RYR2: variants seen among roughly 807,000 people sequenced by gnomAD.
The protein encoded by RYR2 is ryanodine receptor 2.
A neutral mutation model predicts 601.1 loss-of-function variants in RYR2; 227 were observed. The ratio of observed to expected loss-of-function variants is 0.38; its 90% CI spans 0.34 to 0.42. The LOEUF is 0.42. Ranked by LOEUF, RYR2 falls within the 10% of genes least tolerant of loss-of-function variation. RYR2 has a pLI of 1.00. For synonymous variants in RYR2, 2,223 were observed against 2,175.1 expected, an observed-to-expected ratio of 1.02 and a Z score of -0.61; for missense variants, 4,646 against 6,156.5, an observed-to-expected ratio of 0.75 and a Z score of 8.21.
intron 1 of RYR2, among the ~76,000 whole-genome samples, chr1:237,231,266 C>T (rs374380590): frequency 1.3e-5 from 2 of 151,274 alleles, no homozygotes; most frequent in East Asian, 3.9e-4. Context: ...ACATTTAGTT[C>T]TTTTCATTCT....
At chr1:237,831,821 A>ATTAT (rs1663824306) in intron 104 of RYR2, among the ~76,000 whole-genome samples, 1 of 151,090 alleles carries the variant, frequency 6.6e-6, no homozygotes, top group Admixed American at 6.6e-5. Flanking sequence ...TTTGAATTCC[A>ATTAT]TTATTTTGAA....
chr1:237,054,967 C>T (rs555870608), intron 1 of RYR2, among the ~76,000 whole-genome samples: 67 of 152,184 alleles, frequency 4.4e-4, no homozygotes, highest in African/African-American at 1.3e-3. Context: ...TAGATGGTGC[C>T]GGGAGCACTG....
At chr1:237,537,315 G>GT (rs1397394792) in intron 25 of RYR2, among the ~76,000 whole-genome samples, 3 of 151,940 alleles carry the variant, frequency 2.0e-5, no homozygotes, top group South Asian at 2.1e-4. Context: ...CTATACAGTT[G>GT]TTTTTTTGTT....
At chr1:237,163,357 C>A in intron 1 of RYR2, among the ~76,000 whole-genome samples, 1 of 29,982 alleles carries the variant, frequency 3.3e-5, no homozygotes, top group South Asian at 1.6e-3. Context: ...AACCCCCTAC[C>A]CCCCCCACCC....
chr1:237,545,248 A>G (rs1039000109), intron 25 of RYR2, among the ~76,000 whole-genome samples: 2 of 152,242 alleles, frequency 1.3e-5, no homozygotes, highest in African/African-American at 2.4e-5. Context: ...TGATTTTGTC[A>G]ATATTATCCA....
intron 10 of RYR2, among the ~76,000 whole-genome samples, chr1:237,412,548 C>A (rs1194536265): frequency 6.6e-6 from 1 of 152,178 alleles, no homozygotes; most frequent in East Asian, 1.9e-4. Context: ...AAACAAAATT[C>A]TGTTCAAAAT....
In RYR2 at chr1:237,486,360, C is replaced by G. The variant is rs1662684546; in HGVS notation, c.1709-5446C>G. ...TCATGCATGTTAAATGGCCAGTACC[C>G]TGAGACCAACCCTAGTTTATTGCTG... On this transcript the variant is annotated intron_variant, in intron 17 of 104. Transcript: ENST00000366574. Among the ~76,000 whole-genome samples the G allele has an allele frequency of 3.9e-5, 6 of 152,114 alleles. No individual in the cohort carries two copies. The South Asian group carries it at 1.2e-3, about 32-fold the overall frequency.
chr1:237,521,597 G>A (rs1340035531), intron 24 of RYR2, among the ~76,000 whole-genome samples: 2 of 151,874 alleles, frequency 1.3e-5, no homozygotes, highest in Non-Finnish European at 2.9e-5. Flanking sequence ...GCAGGTGCCT[G>A]TAATCCCAGC....
intron 1 of RYR2, among the ~76,000 whole-genome samples, chr1:237,148,498 T>A: frequency 7.9e-6 from 1 of 126,352 alleles, no homozygotes; most frequent in East Asian, 2.3e-4. Flanking sequence ...TCTGCACATG[T>A]ATCCCAGAAC....
intron 79 of RYR2, among the ~76,000 whole-genome samples, chr1:237,735,326 A>C (rs988652431): frequency 6.6e-6 from 1 of 152,316 alleles, no homozygotes; most frequent in South Asian, 2.1e-4. Context: ...ACAGAAAGAT[A>C]TAAGGTAACA....
chr1:237,805,429 T>A (rs2794831), intron 98 of RYR2, among the ~76,000 whole-genome samples: 28,962 of 151,258 alleles, frequency 0.19, 3,245 homozygotes, highest in East Asian at 0.5. Flanking sequence ...AAATACAAAA[T>A]AATTAGCCGG....
intron 16 of RYR2, among the ~76,000 whole-genome samples, chr1:237,467,509 G>A (rs10925425): frequency 1 from 152,204 of 152,204 alleles, 76,102 homozygotes; most frequent in Non-Finnish European, 1. Flanking sequence ...AGTATATCTC[G>A]ATGGCTGGCT....
intron 2 of RYR2, among the ~76,000 whole-genome samples, chr1:237,310,540 A>G (rs1314319365): frequency 3.3e-5 from 5 of 152,110 alleles, no homozygotes; most frequent in Non-Finnish European, 7.4e-5. Flanking sequence ...TTCTTTTGCA[A>G]CTTGTGGATT....
At chr1:237,130,487 G>A (rs1167607808) in intron 1 of RYR2, among the ~76,000 whole-genome samples, 1 of 152,156 alleles carries the variant, frequency 6.6e-6, no homozygotes, top group Non-Finnish European at 1.5e-5. Flanking sequence ...GCTGAGGTAG[G>A]TGGATCATGA....
chr1:237,546,388 G>A (rs1211960882), intron 25 of RYR2, among the ~76,000 whole-genome samples: 1 of 151,928 alleles, frequency 6.6e-6, no homozygotes, highest in Non-Finnish European at 1.5e-5. Flanking sequence ...TGTTGTTGTT[G>A]TTTTTTTGAG....
At chr1:237,666,953 C>A (rs1439994277) in intron 57 of RYR2, among the ~76,000 whole-genome samples, 1 of 151,852 alleles carries the variant, frequency 6.6e-6, no homozygotes, top group Non-Finnish European at 1.5e-5. Context: ...TAGGGTGTTT[C>A]AGCCGTATAA....
intron 2 of RYR2, among the ~76,000 whole-genome samples, chr1:237,326,969 C>G (rs1696232975): frequency 6.6e-6 from 1 of 152,106 alleles, no homozygotes; most frequent in African/African-American, 2.4e-5. Context: ...TATAACTGTA[C>G]AAATTTCAAT....
intron 65 of RYR2, among the ~76,000 whole-genome samples, chr1:237,700,856 G>A (rs1323969470): frequency 1.3e-5 from 2 of 152,178 alleles, no homozygotes; most frequent in Non-Finnish European, 2.9e-5. Context: ...CTCCAAGCTT[G>A]ACAATGTAAT....
At chr1:237,169,566 G>A (rs755011790) in intron 1 of RYR2, among the ~76,000 whole-genome samples, 12 of 152,064 alleles carry the variant, frequency 7.9e-5, no homozygotes, top group Non-Finnish European at 1.2e-4. Context: ...CAAAGTGCTG[G>A]GATGTGAGCC....
Sources: allele counts gnomAD v4.1 joint callset (sites outside exome capture counted in the v4.1 genomes callset), GRCh38; gene constraint gnomAD v4.1.1; transcripts MANE v1.5; gene names NCBI Gene and HGNC (gene_info 2026-07-23, HGNC 2026-07-21).